Variants in SPAG17 observed in about 807,000 individuals in gnomAD.
The protein encoded by SPAG17 is sperm associated antigen 17, also known as sperm-associated antigen 17.
SPAG17 carries 169 observed loss-of-function variants against 273.6 expected under a neutral mutation model. That is an observed-to-expected ratio of 0.62 (90% CI 0.55 to 0.70). The LOEUF (loss-of-function observed/expected upper bound fraction) is 0.70, where lower values mean the gene tolerates loss of function less well. Ranked by LOEUF, SPAG17 falls within the 30% of genes least tolerant of loss-of-function variation. The probability of loss-of-function intolerance (pLI) is 0.00; values close to 1 mark genes in which losing one functional copy is unlikely to be tolerated. For synonymous variants in SPAG17, 825 were observed against 873.2 expected (o/e 0.94, Z 0.97); for missense variants, 2,557 against 2,627.8 (o/e 0.97, Z 0.59).
intron 3 of SPAG17, among the ~76,000 whole-genome samples, chr1:118,124,684 A>G (rs1657607052): frequency 6.6e-6 from 1 of 152,202 alleles, no homozygotes; most frequent in South Asian, 2.1e-4. Context: ...GGCACTTCAC[A>G]TATTCCAATC....
At chr1:118,021,485 A>T (rs1046440297) in intron 28 of SPAG17, among the ~76,000 whole-genome samples, 2 of 152,276 alleles carry the variant, frequency 1.3e-5, no homozygotes, top group African/African-American at 4.8e-5. Flanking sequence ...ATTATTCTGT[A>T]TGATACATGA....
chr1:118,061,704 G>A (rs1020408839), intron 18 of SPAG17, among the ~76,000 whole-genome samples: 3 of 152,152 alleles, frequency 2.0e-5, no homozygotes, highest in Admixed American at 1.3e-4. Context: ...CTTGGTTGTG[G>A]TGATGGTATA....
intron 48 of SPAG17, chr1:117,958,891 T>G (rs1205900707): frequency 6.2e-7 from 1 of 1,609,436 alleles, no homozygotes; most frequent in South Asian, 1.1e-5. Flanking sequence ...AACATGGCTG[T>G]GTTTTGTTTT....
At chr1:118,182,037 AT>A (rs1660973302) in intron 1 of SPAG17, among the ~76,000 whole-genome samples, 1 of 152,178 alleles carries the variant, frequency 6.6e-6, no homozygotes, top group Non-Finnish European at 1.5e-5. Flanking sequence ...ACTCCAACAG[AT>A]TTTAGCACAC....
At chr1:118,061,483 A>G (rs1652289183) in intron 18 of SPAG17, among the ~76,000 whole-genome samples, 1 of 152,224 alleles carries the variant, frequency 6.6e-6, no homozygotes. Context: ...GGTTATCTAA[A>G]ACAGTCAAAT....
At chr1:117,955,128 G>C (rs886676809) in intron 48 of SPAG17, 1 of 479,010 alleles carries the variant, frequency 2.1e-6, no homozygotes. Flanking sequence ...AGCATAGTTG[G>C]TAAGGGGCAG....
chr1:117,981,476 C>T (rs908176567), intron 42 of SPAG17, 75 bp from the exon 43 acceptor site: 2 of 1,453,904 alleles, frequency 1.4e-6, no homozygotes, highest in African/African-American at 3.0e-5. Context: ...TTTGCATGAA[C>T]AAACATTGAA....
intron 4 of SPAG17, among the ~76,000 whole-genome samples, chr1:118,103,779 G>A (rs1239813761): frequency 6.6e-6 from 1 of 151,872 alleles, no homozygotes; most frequent in African/African-American, 2.4e-5. Flanking sequence ...CTCTGTGGAA[G>A]TGACATTTGA....
At chr1:118,123,545 T>A (rs940751558) in intron 3 of SPAG17, among the ~76,000 whole-genome samples, 1 of 152,216 alleles carries the variant, frequency 6.6e-6, no homozygotes, top group Non-Finnish European at 1.5e-5. Context: ...AATGGAACGT[T>A]ATGAAAGTGC....
Position 118,041,951 on chromosome 1 carries a change from T to A in SPAG17, c.2906A>T (p.Lys969Met). 1 of 1,614,000 alleles carries A rather than the reference T, an allele frequency of 6.2e-7. No individual in the cohort carries two copies. Among genetic ancestry groups the A allele is most frequent in the African/African-American group, 1.3e-5 (1 of 75,038 alleles). ...TTTCTCTGCGTTATCCTTGCCTTTC[T>A]TTTTACCAGCTTCTTTACCCTTCTT... is the stretch of plus-strand genomic sequence containing the variant. ...AEKKGKEAGK[K>M]KGKDNAEKED... Residue 969 changes from lysine (K) to methionine (M), a missense_variant, in exon 21 of 49, where the codon AAG becomes ATG. Coordinates refer to ENST00000336338, the MANE Select transcript of SPAG17 (RefSeq NM_206996.4).
intron 13 of SPAG17, among the ~76,000 whole-genome samples, chr1:118,082,913 T>G (rs1005341146): frequency 6.6e-6 from 1 of 152,192 alleles, no homozygotes; most frequent in Non-Finnish European, 1.5e-5. Context: ...GGAATCACAG[T>G]GAGGCCAGTG....
chr1:118,185,039 G>A lies in SPAG17; in HGVS notation c.87+32C>T, dbSNP rs1443216693. 6 of 1,595,428 alleles carry A rather than the reference G, an allele frequency of 3.8e-6. No individual in the cohort carries two copies. The East Asian group carries it at 1.3e-4, about 36-fold the overall frequency. On this transcript the variant is annotated intron_variant, in intron 1 of 48. Coordinates refer to ENST00000336338, the MANE Select transcript of SPAG17 (RefSeq NM_206996.4). Reference sequence around the variant, plus strand: ...TGGCCGGGCCTCTGGCATTGCCGGGGGCAGGGAGGGCTTAAAGGGCTCAAG... The same window carrying A: ...TGGCCGGGCCTCTGGCATTGCCGGGAGCAGGGAGGGCTTAAAGGGCTCAAG...
intron 24 of SPAG17, among the ~76,000 whole-genome samples, chr1:118,033,573 C>A (rs1392449396): frequency 6.6e-6 from 1 of 152,156 alleles, no homozygotes; most frequent in Non-Finnish European, 1.5e-5. Context: ...CTTCAGTGTA[C>A]TCTCCAAACT....
intron 32 of SPAG17, among the ~76,000 whole-genome samples, chr1:118,004,762 C>A (rs1235895036): frequency 2.0e-5 from 3 of 152,240 alleles, no homozygotes; most frequent in Non-Finnish European, 1.5e-5. Context: ...TGACACCTTG[C>A]ACTTCCCAGG....
intron 7 of SPAG17, among the ~76,000 whole-genome samples, chr1:118,096,559 G>T (rs1056107176): frequency 6.6e-6 from 1 of 152,022 alleles, no homozygotes; most frequent in African/African-American, 2.4e-5. Flanking sequence ...TTGGGATAAG[G>T]GTCAACTAGA....
At chr1:118,066,554 T>C (rs1652992825) in intron 18 of SPAG17, among the ~76,000 whole-genome samples, 191 bp downstream of exon 18, 1 of 152,192 alleles carries the variant, frequency 6.6e-6, no homozygotes, top group African/African-American at 2.4e-5. Flanking sequence ...ATAGCTCCAA[T>C]GCCCATACAG....
intron 48 of SPAG17, chr1:117,961,860 G>A (rs1188246065): frequency 6.6e-6 from 1 of 152,506 alleles, no homozygotes; most frequent in East Asian, 1.9e-4. Context: ...CAAGGAGTCA[G>A]TGTTGTTTAG....
intron 21 of SPAG17, 55 bp from the exon 22 acceptor site, chr1:118,040,896 A>G (rs919341728): frequency 4.1e-6 from 5 of 1,215,396 alleles, no homozygotes; most frequent in East Asian, 4.6e-5. Flanking sequence ...CAAAAAATCA[A>G]CTTATCAGTG....
At chr1:118,162,364 A>G (rs1659970068) in intron 1 of SPAG17, among the ~76,000 whole-genome samples, 1 of 152,214 alleles carries the variant, frequency 6.6e-6, no homozygotes, top group Non-Finnish European at 1.5e-5. Flanking sequence ...AAGTACTCAC[A>G]ACCTGGACCT....
Sources: gnomAD v4.1 joint callset for allele counts (sites outside exome capture counted in the v4.1 genomes callset) on GRCh38, gnomAD v4.1.1 for gene constraint, MANE v1.5 for transcripts, NCBI Gene and HGNC (gene_info 2026-07-23, HGNC 2026-07-21) for gene names.